Variants in PPM1L observed in about 807,000 individuals in gnomAD.
PPM1L encodes protein phosphatase 1L.
In PPM1L, 13 loss-of-function variants were observed where a neutral mutation model predicts 31.4. The ratio of observed to expected loss-of-function variants is 0.41; its 90% confidence interval spans 0.27 to 0.66. The LOEUF (loss-of-function observed/expected upper bound fraction) is 0.66. Among genes scored for constraint, PPM1L ranks in the 30% least tolerant of loss-of-function variants. PPM1L has a pLI of 0.29. For synonymous variants in PPM1L, 184 were observed against 175.4 expected (o/e 1.05, Z -0.39); for missense variants, 326 against 453.7 (o/e 0.72, Z 2.56).
At chr3:161,058,366 C>T (rs1181908046) in intron 2 of PPM1L, among the ~76,000 whole-genome samples, 1 of 151,756 alleles carries the variant, frequency 6.6e-6, no homozygotes, top group African/African-American at 2.4e-5. Flanking sequence ...CTCAGGTAAT[C>T]TGCCTGCCTC....
intron 1 of PPM1L, among the ~76,000 whole-genome samples, chr3:160,944,898 TGATGTTAC>T (rs1559897336): frequency 1.5e-4 from 9 of 60,452 alleles, no homozygotes; most frequent in African/African-American, 5.4e-4. Flanking sequence ...TATATATAAC[TGATGTTAC>T]ATATATAATA....
chr3:160,808,138 C>G (rs1712660725), intron 1 of PPM1L, among the ~76,000 whole-genome samples: 1 of 152,158 alleles, frequency 6.6e-6, no homozygotes, highest in African/African-American at 2.4e-5. Context: ...GCTGATTTAT[C>G]TACACTGAAT....
intron 1 of PPM1L, among the ~76,000 whole-genome samples, chr3:160,795,145 C>T (rs1056793980): frequency 6.6e-6 from 1 of 152,150 alleles, no homozygotes; most frequent in Non-Finnish European, 1.5e-5. Flanking sequence ...ACATACATAG[C>T]AGATTGTATA....
intron 1 of PPM1L, among the ~76,000 whole-genome samples, chr3:160,857,226 C>T (rs1294480488): frequency 6.6e-6 from 1 of 152,148 alleles, no homozygotes; most frequent in Non-Finnish European, 1.5e-5. Flanking sequence ...AAAATTCTGA[C>T]AGTGTGGGCT....
At chr3:161,014,564 T>G (rs1437743740) in intron 2 of PPM1L, among the ~76,000 whole-genome samples, 3 of 149,728 alleles carry the variant, frequency 2.0e-5, no homozygotes, top group African/African-American at 4.9e-5. Flanking sequence ...AACATCCGCC[T>G]CCCAGGTTCA....
At chr3:160,816,201 T>C (rs574760042) in intron 1 of PPM1L, among the ~76,000 whole-genome samples, 1 of 151,770 alleles carries the variant, frequency 6.6e-6, no homozygotes, top group South Asian at 2.1e-4. Flanking sequence ...TTGGGGACAA[T>C]GGAGAAAGGA....
At chr3:161,018,019 T>C (rs1386769404) in intron 2 of PPM1L, among the ~76,000 whole-genome samples, 1 of 152,106 alleles carries the variant, frequency 6.6e-6, no homozygotes. Context: ...AAGCTTAAAA[T>C]TAATAACAGC....
At chr3:160,970,622 T>C (rs996661623) in intron 2 of PPM1L, among the ~76,000 whole-genome samples, 3 of 151,212 alleles carry the variant, frequency 2.0e-5, no homozygotes, top group Non-Finnish European at 4.4e-5. Context: ...GCTAATTTCT[T>C]TACTTTTTAT....
At chr3:160,819,957 A>G (rs1281134819) in intron 1 of PPM1L, among the ~76,000 whole-genome samples, 1 of 152,092 alleles carries the variant, frequency 6.6e-6, no homozygotes, top group Non-Finnish European at 1.5e-5. Flanking sequence ...ACTGACTATG[A>G]CATCTAGAAC....
At chr3:160,889,227 G>GA (rs1422530956) in intron 1 of PPM1L, among the ~76,000 whole-genome samples, 2 of 151,930 alleles carry the variant, frequency 1.3e-5, no homozygotes, top group East Asian at 3.9e-4. Context: ...TTGGTTTTTT[G>GA]AAAAAATTAA....
intron 1 of PPM1L, among the ~76,000 whole-genome samples, chr3:160,838,713 C>G (rs1713786406): frequency 6.6e-6 from 1 of 151,990 alleles, no homozygotes; most frequent in Non-Finnish European, 1.5e-5. Flanking sequence ...GGAGTCATAG[C>G]AATGTGAGGC....
chr3:160,892,214 A>G (rs762566119), intron 1 of PPM1L, among the ~76,000 whole-genome samples: 2 of 152,228 alleles, frequency 1.3e-5, no homozygotes, highest in South Asian at 2.1e-4. Flanking sequence ...TCTGTAGGCT[A>G]TACAGGCATG....
At position 160,970,797 on chromosome 3, in the gene PPM1L, T is replaced by C. The variant is rs1576751869; in HGVS notation, c.574+8887T>C. On this transcript the variant is annotated intron_variant, in intron 2 of 3. Transcript: ENST00000498165. ...TTAATTTCAGTTATAATTTTTTTTT[T>C]TTTTTTTTTTTTGAGACGGAGTCTC... Among the ~76,000 whole-genome samples, 3 of 137,374 alleles carry C rather than the reference T, an allele frequency of 2.2e-5. 1 individual carries two copies. Among genetic ancestry groups the C allele is most frequent in the Non-Finnish European group, 3.1e-5 (2 of 63,550 alleles). 90.1% of individuals were successfully genotyped at this position (137,374 alleles called of 152,430 possible). A position where few individuals can be genotyped will look rare whatever the true frequency, so the allele number is the denominator to read the frequency against.
At chr3:160,865,435 A>G (rs560097916) in intron 1 of PPM1L, among the ~76,000 whole-genome samples, 3 of 152,322 alleles carry the variant, frequency 2.0e-5, no homozygotes, top group South Asian at 4.1e-4. Context: ...TTTTGCTATT[A>G]TAGTAATTAG....
chr3:160,950,119 T>G (rs987190232), intron 1 of PPM1L, among the ~76,000 whole-genome samples: 1 of 152,250 alleles, frequency 6.6e-6, no homozygotes, highest in Admixed American at 6.5e-5. Flanking sequence ...AGAACATTTG[T>G]CTTTCTTTAT....
chr3:160,997,350 G>T (rs913036724), intron 2 of PPM1L, among the ~76,000 whole-genome samples: 1 of 152,136 alleles, frequency 6.6e-6, no homozygotes, highest in Non-Finnish European at 1.5e-5. Flanking sequence ...GGTGGACTCT[G>T]TTCCTCACCA....
At chr3:160,767,787 T>C (rs1226553539) in intron 1 of PPM1L, among the ~76,000 whole-genome samples, 1 of 152,236 alleles carries the variant, frequency 6.6e-6, no homozygotes, top group Non-Finnish European at 1.5e-5. Flanking sequence ...ATCTAAAATA[T>C]GGTATAAAAT....
chr3:161,023,171 C>T (rs1718287256), intron 2 of PPM1L, among the ~76,000 whole-genome samples: 1 of 144,310 alleles, frequency 6.9e-6, no homozygotes, highest in Non-Finnish European at 1.5e-5. Flanking sequence ...CTCTTTCAGT[C>T]TTTGGCTTTT....
intron 2 of PPM1L, among the ~76,000 whole-genome samples, chr3:161,000,614 G>A (rs1357254670): frequency 6.6e-6 from 1 of 152,162 alleles, no homozygotes; most frequent in Non-Finnish European, 1.5e-5. Flanking sequence ...ATTTTCAATG[G>A]AGTAGTTTAT....
Sources: allele counts gnomAD v4.1 joint callset (sites outside exome capture counted in the v4.1 genomes callset), GRCh38; gene constraint gnomAD v4.1.1; transcripts MANE v1.5; gene names NCBI Gene and HGNC (gene_info 2026-07-23, HGNC 2026-07-21).